LRRC27: variants seen among roughly 807,000 people sequenced by gnomAD.
The protein encoded by LRRC27 is leucine rich repeat containing 27.
LRRC27 carries 57 observed loss-of-function variants against 55.0 expected under a neutral mutation model. That is an observed-to-expected ratio of 1.04 (90% CI 0.84 to 1.29). The LOEUF is 1.29. Among genes scored for constraint, LRRC27 ranks in the 50% most tolerant of loss-of-function variants. The pLI is 0.00. For missense variants in LRRC27, 721 were observed against 651.5 expected, an observed-to-expected ratio of 1.11 and a Z score of -1.16; for synonymous variants, 278 against 251.9, an observed-to-expected ratio of 1.10 and a Z score of -0.98.
chr10:132,364,969 C>T (rs2068990598), intron 9 of LRRC27, among the ~76,000 whole-genome samples: 4 of 152,260 alleles, frequency 2.6e-5, no homozygotes, highest in Admixed American at 2.6e-4. Flanking sequence ...CCCCAAACCC[C>T]TGAGCCCCAG....
upstream of LRRC27, chr10:132,331,743 C>G (rs2066758071): frequency 2.5e-6 from 4 of 1,611,974 alleles, no homozygotes; most frequent in African/African-American, 1.3e-5. Flanking sequence ...GCATCCCGCT[C>G]TCTTCCTTCC....
rs752985232 is a variant in LRRC27 at position 132,333,597 on chromosome 10, A to G, written c.73A>G (p.Arg25Gly). 7 of 1,612,426 alleles carry G rather than the reference A, an allele frequency of 4.3e-6. No individual in the cohort carries two copies. The highest frequency in any genetic ancestry group is 5.9e-6 in the Non-Finnish European group (7 of 1,179,946). ...TCTGGAGGAGGGTGCTGGTCAGACT[A>G]GGAGCTTGCCTGCCACCCCCTCCAA... ...ADLEEGAGQT[R>G]SLPATPSKDV... The change falls in exon 2 of 11, where the codon AGG becomes GGG. Residue 25 changes from arginine to glycine, a missense_variant. Transcript: ENST00000368614.
intron 9 of LRRC27, among the ~76,000 whole-genome samples, chr10:132,364,095 C>G (rs373688117): frequency 5.9e-5 from 9 of 152,120 alleles, no homozygotes; most frequent in East Asian, 1.9e-4. Context: ...ACAGTAAAAG[C>G]TGGAGTCTGA....
In LRRC27 at chr10:132,364,473, ACACC is replaced by A. The variant is rs1419612056; in HGVS notation, c.1290-943_1290-940del. Among the ~76,000 whole-genome samples the A allele has an allele frequency of 4.4e-3, 283 of 63,660 alleles. 4 individuals are homozygous for A. Among genetic ancestry groups the A allele is most frequent in the Admixed American group, 6.4e-3 (33 of 5,196 alleles). The allele number at this position is 63,660 out of a possible 152,430, so 41.8% of individuals were successfully genotyped here. ...CCCACACTCACACCCACCCACACTT[ACACC>A]CACCCACACTTACACCCACCCTTAC... is the stretch of plus-strand genomic sequence containing the variant. On this transcript the variant is annotated intron_variant, in intron 9 of 10. Transcript: ENST00000368614.
intron 10 of LRRC27, among the ~76,000 whole-genome samples, chr10:132,366,004 C>G (rs2069062044): frequency 6.6e-6 from 1 of 152,258 alleles, no homozygotes; most frequent in African/African-American, 2.4e-5. Flanking sequence ...CCCAGAATTA[C>G]AGTTGGTCAC....
At chr10:132,331,532 A>G, upstream of LRRC27, 1 of 1,612,920 alleles carries the variant, frequency 6.2e-7, no homozygotes, top group Non-Finnish European at 8.5e-7. Context: ...GCAAGTCCTG[A>G]GGCAAGATTT....
At chr10:132,332,073 GCGCGCAGGCGCACCACACCCCT>G (rs1484306494), upstream of LRRC27, 10 of 254,796 alleles carry the variant, frequency 3.9e-5, no homozygotes, top group Middle Eastern at 1.1e-3. Flanking sequence ...GCACACCCCC[GCGCGCAGGCGCACCACACCCCT>G]CGCGCAGGCG....
intron 2 of LRRC27, chr10:132,336,868 A>G: frequency 2.7e-6 from 2 of 727,934 alleles, no homozygotes; most frequent in Non-Finnish European, 2.5e-6. Context: ...ACAGTATTGT[A>G]AAAATTAGCT....
intron 5 of LRRC27, among the ~76,000 whole-genome samples, chr10:132,346,062 G>A (rs942442811): frequency 2.0e-5 from 3 of 152,208 alleles, no homozygotes; most frequent in African/African-American, 7.2e-5. Flanking sequence ...TCCATCTGAG[G>A]GTGGAGGGGC....
At chr10:132,339,459 T>G (rs1033563357) in intron 3 of LRRC27, among the ~76,000 whole-genome samples, 21 of 152,258 alleles carry the variant, frequency 1.4e-4, no homozygotes, top group African/African-American at 5.1e-4. Context: ...TCCATGGGGC[T>G]CCTAGGGACT....
chr10:132,344,453 GA>G (rs757162807), intron 4 of LRRC27, 44 bp from the exon 5 acceptor site: 1 of 1,536,596 alleles, frequency 6.5e-7, no homozygotes, highest in East Asian at 2.3e-5. Flanking sequence ...TTCATTTCAA[GA>G]ATGGTATATA....
At chr10:132,364,413 CCGCGCTTA>C (rs2068840153) in intron 9 of LRRC27, among the ~76,000 whole-genome samples, 1 of 145,396 alleles carries the variant, frequency 6.9e-6, no homozygotes, top group Non-Finnish European at 1.5e-5. Flanking sequence ...ACCTCCACAC[CCGCGCTTA>C]CACCCACGCT....
At chr10:132,334,796 G>C (rs997685179) in intron 2 of LRRC27, among the ~76,000 whole-genome samples, 16 of 152,282 alleles carry the variant, frequency 1.1e-4, no homozygotes, top group African/African-American at 3.9e-4. Flanking sequence ...AGAGCCCTGA[G>C]GTTTCTGTTA....
chr10:132,349,023 G>T, intron 6 of LRRC27: 1 of 1,609,768 alleles, frequency 6.2e-7, no homozygotes. Context: ...CTCGAATCAT[G>T]GGCGTGGTAG....
At chr10:132,356,525 AG>A (rs1206705204) in intron 8 of LRRC27, among the ~76,000 whole-genome samples, 1 of 10,182 alleles carries the variant, frequency 9.8e-5, no homozygotes, top group African/African-American at 5.8e-4. Context: ...CAAGATTGCC[AG>A]CTCTTAAGCT....
Position 132,348,011 on chromosome 10 carries a change from T to A in LRRC27, c.581T>A (p.Leu194His), listed in dbSNP as rs771929550. ...GCTCCACCGGTTAGAGAGATGACCC[T>A]CCGTGACCTCCCGAGCCCAGGACTG... ...QEAPPVREMT[L>H]RDLPSPGLEL... is the part of the protein sequence containing the mutation. Residue 194 changes from leucine to histidine, a missense_variant, in exon 6 of 11, where the codon CTC (leucine) becomes CAC (histidine). By Grantham distance (99) the Leu-to-His change is moderately conservative. Coordinates refer to ENST00000368614, the MANE Select transcript of LRRC27 (RefSeq NM_030626.3). The surrounding 1 kb of genome is among the most constrained non-coding windows in gnomAD (Gnocchi z 4.2). 9.9e-6 allele frequency: 16 copies of A among 1,611,548 alleles called. No individual in the cohort carries two copies. The Admixed American group carries it at 2.5e-4, about 25-fold the overall frequency.
chr10:132,367,333 C>T (rs1437276474), intron 10 of LRRC27, among the ~76,000 whole-genome samples: 8 of 152,186 alleles, frequency 5.3e-5, no homozygotes, highest in Non-Finnish European at 8.8e-5. Context: ...AAGGAAGAAA[C>T]TATACCAATT....
At chr10:132,340,519 A>G (rs1311597879) in intron 3 of LRRC27, among the ~76,000 whole-genome samples, 1 of 152,156 alleles carries the variant, frequency 6.6e-6, no homozygotes, top group East Asian at 1.9e-4. Context: ...TGTTCACCTT[A>G]TAGAGAGCAG....
intron 9 of LRRC27, among the ~76,000 whole-genome samples, chr10:132,363,646 G>A (rs1318273481): frequency 2.0e-5 from 3 of 152,174 alleles, no homozygotes; most frequent in African/African-American, 4.8e-5. Context: ...CACTGAAAGC[G>A]CCTCACTGCA....
Sources: allele counts gnomAD v4.1 joint callset (sites outside exome capture counted in the v4.1 genomes callset), GRCh38; gene constraint gnomAD v4.1.1; non-coding constraint Gnocchi (gnomAD v3.1); transcripts MANE v1.5; gene names NCBI Gene and HGNC (gene_info 2026-07-23, HGNC 2026-07-21).